MACO1: variants seen among roughly 807,000 people sequenced by gnomAD.
The protein encoded by MACO1 is macoilin 1, also known as macoilin.
MACO1 carries 14 observed loss-of-function variants against 78.7 expected under a neutral mutation model. The observed-to-expected ratio is 0.18, with a 90% CI of 0.12 to 0.28. MACO1 has a LOEUF of 0.28. MACO1 is among the 10% of genes least tolerant of loss of function. The pLI is 1.00. For synonymous variants in MACO1, 288 were observed against 291.6 expected, an observed-to-expected ratio of 0.99 and a Z score of 0.12; for missense variants, 501 against 799.0, an observed-to-expected ratio of 0.63 and a Z score of 4.50.
chr1:25,492,640 G>C (rs1167374606), intron 10 of MACO1, among the ~76,000 whole-genome samples: 1 of 152,096 alleles, frequency 6.6e-6, no homozygotes, highest in Non-Finnish European at 1.5e-5. Flanking sequence ...CCCATGGAAA[G>C]AACTTAGGGT....
chr1:25,485,459 G>A lies in MACO1; in HGVS notation c.1314-154G>A, dbSNP rs1000515907. Among the ~76,000 whole-genome samples, 4 of 152,174 alleles carry A rather than the reference G, an allele frequency of 2.6e-5. No individual in the cohort carries two copies. The highest frequency in any genetic ancestry group is 9.7e-5 in the African/African-American group (4 of 41,448). ...TTAGGAATTATTAAAGAATAACAGT[G>A]TGTTTTCCTCAGGCATTCTGGGCAT... On this transcript the variant is annotated intron_variant, in intron 7 of 10. Transcript: ENST00000374343. The surrounding 1 kb of genome is among the most constrained non-coding windows in gnomAD (Gnocchi z 4.3).
At chr1:25,445,290 C>A (rs1226622668) in intron 1 of MACO1, among the ~76,000 whole-genome samples, 1 of 150,788 alleles carries the variant, frequency 6.6e-6, no homozygotes, top group African/African-American at 2.4e-5. Context: ...CAGCTCAAGA[C>A]CCTGTCTCAA....
chr1:25,439,123 C>T (rs1010889250), intron 1 of MACO1, among the ~76,000 whole-genome samples: 1 of 152,014 alleles, frequency 6.6e-6, no homozygotes, highest in African/African-American at 2.4e-5. Flanking sequence ...TTTAACTTCT[C>T]ATTTTGAAAT....
chr1:25,479,171 C>T (rs1020693652), intron 6 of MACO1, among the ~76,000 whole-genome samples: 1 of 152,156 alleles, frequency 6.6e-6, no homozygotes, highest in Non-Finnish European at 1.5e-5. Flanking sequence ...ATTTAGGTTT[C>T]AGCTAATGAC....
Position 25,448,899 on chromosome 1 carries a change from G to A in MACO1, c.314G>A (p.Ser105Asn). 1.3e-6 allele frequency: 2 copies of A among 1,545,504 alleles called. No homozygotes were observed. The highest frequency in any genetic ancestry group is 1.3e-5 in the South Asian group (1 of 79,506). Residue 105 changes from serine (S) to asparagine (N), a missense_variant, in exon 3 of 11, where the codon AGC (serine) becomes AAC (asparagine). Ser to Asn is a conservative substitution (Grantham distance 46). Transcript: ENST00000374343. The stretch of plus-strand genomic sequence containing the variant: ...ATACAGTGGCTTTTTTTTGCTGCTA[G>A]CACATATGTATGGGTTCAGTACGTA... ...IPIQWLFFAA[S>N]TYVWVQYVWH... is the part of the protein sequence containing the mutation.
chr1:25,439,895 G>A (rs1184210877), intron 1 of MACO1, among the ~76,000 whole-genome samples: 1 of 151,744 alleles, frequency 6.6e-6, no homozygotes, highest in Non-Finnish European at 1.5e-5. Flanking sequence ...GCGCATGCCT[G>A]TAATCCCAGC....
chr1:25,458,129 C>T (rs1281342133), intron 5 of MACO1, among the ~76,000 whole-genome samples: 3 of 152,086 alleles, frequency 2.0e-5, no homozygotes, highest in African/African-American at 4.8e-5. Flanking sequence ...CAAGACTAGA[C>T]CTTTAGTGGC....
In MACO1 at chr1:25,498,513, T is replaced by C. The variant is rs1229913200; in HGVS notation, c.*47T>C. The C allele has an allele frequency of 2.0e-5, 30 of 1,506,708 alleles. No homozygotes were observed. The highest frequency in any genetic ancestry group is 2.6e-5 in the Non-Finnish European group (29 of 1,114,804). The allele number at this position is 1,506,708 out of a possible 1,614,324, so 93.3% of individuals were successfully genotyped here. On this transcript the variant is annotated 3_prime_UTR_variant, in exon 11 of 11. Coordinates refer to ENST00000374343, the MANE Select transcript of MACO1 (RefSeq NM_018202.6). ...CAAAAATTTGGTTACCGGAAGGCAT[T>C]GCAAAGGAGCGTCTCTGGCAGTCAA...
In MACO1 at chr1:25,463,972, A is replaced by G. The variant is rs558876663; in HGVS notation, c.1154+5080A>G. On this transcript the variant is annotated intron_variant, in intron 6 of 10. Coordinates refer to ENST00000374343, the MANE Select transcript of MACO1 (RefSeq NM_018202.6). ...TCAGCATCCCCCACCAGAGTGGTACATTTGTTACACAGACGAACCTCCATT... is the reference window on the plus strand; with the variant it reads ...TCAGCATCCCCCACCAGAGTGGTACGTTTGTTACACAGACGAACCTCCATT... Among the ~76,000 whole-genome samples, 10 of 152,302 alleles carry G rather than the reference A, an allele frequency of 6.6e-5. No individual in the cohort carries two copies. In the South Asian group the frequency reaches 1.7e-3, roughly 25 times the overall value.
chr1:25,466,321 A>ATTTT (rs2043218836), intron 6 of MACO1, among the ~76,000 whole-genome samples: 1 of 151,820 alleles, frequency 6.6e-6, no homozygotes, highest in African/African-American at 2.4e-5. Flanking sequence ...TTATTTATTT[A>ATTTT]TTTATTTTTG....
rs370358915 is a variant in MACO1, at chr1:25,473,040, C to G, written c.1155-11076C>G. Among the ~76,000 whole-genome samples, 3 of 151,760 alleles carry G rather than the reference C, an allele frequency of 2.0e-5. No individual in the cohort carries two copies. The East Asian group carries it at 5.8e-4, about 29-fold the overall frequency. Reference sequence around the variant, plus strand: ...AAAAATAAGTAGTAGAGACATCTGTCTAGTAAGTTTAGTGTGTTTTCTGTC... The same window carrying G: ...AAAAATAAGTAGTAGAGACATCTGTGTAGTAAGTTTAGTGTGTTTTCTGTC... On this transcript the variant is annotated intron_variant, in intron 6 of 10. Coordinates refer to ENST00000374343, the MANE Select transcript of MACO1 (RefSeq NM_018202.6).
At position 25,430,934 on chromosome 1, in the gene MACO1, G is replaced by A. The variant is rs1199703162; in HGVS notation, c.-165G>A. On this transcript the variant is annotated 5_prime_UTR_variant, in exon 1 of 11. Transcript: ENST00000374343. ...TTTCCGAAGGCGGAGGAGGCTCCGA[G>A]CCCCCCCTCCCCGTGCTACCCCCTC... The A allele has an allele frequency of 8.5e-6, 4 of 471,304 alleles. No individual in the cohort carries two copies. Among genetic ancestry groups the A allele is most frequent in the Middle Eastern group, 5.9e-4 (1 of 1,698 alleles). The allele number at this position is 471,304 out of a possible 1,614,324, so 29.2% of individuals were successfully genotyped here.
At chr1:25,497,977 A>C (rs1571996211) in intron 10 of MACO1, among the ~76,000 whole-genome samples, 1 of 152,376 alleles carries the variant, frequency 6.6e-6, no homozygotes, top group Admixed American at 6.5e-5. Context: ...CCATGGGCCA[A>C]ATCTGGCCTG....
chr1:25,435,363 A>T (rs2042910182), intron 1 of MACO1, among the ~76,000 whole-genome samples: 3 of 152,062 alleles, frequency 2.0e-5, no homozygotes, highest in African/African-American at 4.8e-5. Flanking sequence ...ATATGTTATT[A>T]TTTCCCATTT....
intron 8 of MACO1, among the ~76,000 whole-genome samples, chr1:25,487,584 A>G (rs2124610054): frequency 6.6e-6 from 1 of 152,332 alleles, no homozygotes; most frequent in East Asian, 1.9e-4. Context: ...TGGACTGGCC[A>G]TTGCCATCAT....
chr1:25,441,669 A>G (rs1027225448), intron 1 of MACO1, among the ~76,000 whole-genome samples: 2 of 152,216 alleles, frequency 1.3e-5, no homozygotes, highest in African/African-American at 4.8e-5. Context: ...TTCTTATAGT[A>G]CAGGATGCTA....
At chr1:25,456,214 C>T (rs573470513) in intron 4 of MACO1, among the ~76,000 whole-genome samples, 19 of 149,846 alleles carry the variant, frequency 1.3e-4, no homozygotes, top group African/African-American at 4.7e-4. Flanking sequence ...GCCGAGATCA[C>T]ACCACTGCAC....
intron 1 of MACO1, among the ~76,000 whole-genome samples, chr1:25,431,503 C>A (rs2042867847): frequency 1.3e-5 from 2 of 151,438 alleles, no homozygotes; most frequent in South Asian, 4.1e-4. Context: ...AGCATCCCGG[C>A]CATGCCGCTG....
intron 6 of MACO1, among the ~76,000 whole-genome samples, chr1:25,481,408 G>C (rs989795636): frequency 6.6e-6 from 1 of 152,166 alleles, no homozygotes; most frequent in Non-Finnish European, 1.5e-5. Context: ...AGGCCTGGAA[G>C]ATTACACACC....
Sources: gnomAD v4.1 joint callset for allele counts (sites outside exome capture counted in the v4.1 genomes callset) on GRCh38, gnomAD v4.1.1 for gene constraint, Gnocchi (gnomAD v3.1) non-coding constraint, MANE v1.5 for transcripts, NCBI Gene and HGNC (gene_info 2026-07-23, HGNC 2026-07-21) for gene names.